EIF4G2: variants seen among roughly 807,000 people sequenced by gnomAD.
The protein encoded by EIF4G2 is eukaryotic translation initiation factor 4 gamma 2.
A neutral mutation model predicts 117.7 loss-of-function variants in EIF4G2; 8 were observed. That is an observed-to-expected ratio of 0.07 (90% CI 0.04 to 0.12). The LOEUF (loss-of-function observed/expected upper bound fraction) is 0.12. EIF4G2 is among the 10% of genes least tolerant of loss of function. The pLI is 1.00. For synonymous variants in EIF4G2, 413 were observed against 367.8 expected (o/e 1.12, Z -1.41); for missense variants, 812 against 1,086.2 (o/e 0.75, Z 3.55).
chr11:10,802,920 C>CCA, intron 11 of EIF4G2, 110 bp downstream of exon 11: 1 of 877,866 alleles, frequency 1.1e-6, no homozygotes, highest in Non-Finnish European at 1.7e-6. Flanking sequence ...TTAAGCTCCA[C>CCA]CACTAAGATG....
In EIF4G2 at chr11:10,797,711, T is replaced by C. The variant is rs1847296431; in HGVS notation, c.*105A>G. 4.1e-6 allele frequency: 5 copies of C among 1,212,776 alleles called. No individual in the cohort carries two copies. Among genetic ancestry groups the C allele is most frequent in the East Asian group, 2.3e-5 (1 of 42,780 alleles). The allele number at this position is 1,212,776 out of a possible 1,614,324, so 75.1% of individuals were successfully genotyped here. A position where few individuals can be genotyped will look rare whatever the true frequency, so the allele number is the denominator to read the frequency against. Reference sequence around the variant, plus strand: ...AACTGACGTGCTTCTGCTTTAAATATTGTGAAAACATTACAGCGGAATGAA... The same window carrying C: ...AACTGACGTGCTTCTGCTTTAAATACTGTGAAAACATTACAGCGGAATGAA... On this transcript the variant is annotated 3_prime_UTR_variant, in exon 22 of 22. Transcript: ENST00000339995. This position sits in a 1 kb window ranked among gnomAD's most constrained non-coding sequence, Gnocchi z 4.5.
chr11:10,806,114 T>G, intron 3 of EIF4G2, 67 bp from the exon 4 acceptor site: 3 of 1,596,848 alleles, frequency 1.9e-6, no homozygotes, highest in Non-Finnish European at 2.6e-6. Context: ...ATAAATTCTC[T>G]TACATAGAAA....
Position 10,799,579 on chromosome 11 carries a change from T to G in EIF4G2, c.2297A>C (p.Lys766Thr). The change falls in exon 19 of 22, where the codon AAA becomes ACA. Residue 766 changes from lysine to threonine, a missense_variant. Transcript: ENST00000339995. ...AGTCATTAAGATGTTCACAAATCCT[T>G]TATCTACATGAAGTTTGGGAGAGAT... 1 of 1,614,098 alleles carries G rather than the reference T, an allele frequency of 6.2e-7. No homozygotes were observed. The highest frequency in any genetic ancestry group is 8.5e-7 in the Non-Finnish European group (1 of 1,179,994).
chr11:10,803,377 C>T lies in EIF4G2; in HGVS notation c.814-83G>A, dbSNP rs891836456. The stretch of plus-strand genomic sequence containing the variant: ...GCTTTAAGACTTCTAAAATTATAAC[C>T]CAGTTAATGGCTAAATATGGCAATC... On this transcript the variant is annotated intron_variant, in intron 9 of 21. Transcript: ENST00000339995. This position sits in a 1 kb window ranked among gnomAD's most constrained non-coding sequence, Gnocchi z 4.0. 3 of 1,564,614 alleles carry T rather than the reference C, an allele frequency of 1.9e-6. No homozygotes were observed. The highest frequency in any genetic ancestry group is 2.6e-6 in the Non-Finnish European group (3 of 1,141,410).
In EIF4G2 at chr11:10,803,318, T is replaced by C. The variant is rs747344562; in HGVS notation, c.814-24A>G. 5.0e-6 allele frequency: 8 copies of C among 1,608,526 alleles called. No individual in the cohort carries two copies. Among genetic ancestry groups the C allele is most frequent in the East Asian group, 4.5e-5 (2 of 44,850 alleles). Reference sequence around the variant, plus strand: ...GACTGATAAGAGAAGAATACATTCATTGGAAGAGCTAAAGCAAATGTGTTC... The same window carrying C: ...GACTGATAAGAGAAGAATACATTCACTGGAAGAGCTAAAGCAAATGTGTTC... On this transcript the variant is annotated intron_variant, in intron 9 of 21. Transcript: ENST00000339995. The surrounding 1 kb of genome is among the most constrained non-coding windows in gnomAD (Gnocchi z 4.0).
chr11:10,802,249 A>G (rs1437507869), intron 12 of EIF4G2, 40 bp from the exon 13 acceptor site: 2 of 1,611,694 alleles, frequency 1.2e-6, no homozygotes, highest in Admixed American at 3.3e-5. Flanking sequence ...AACTAAAGTT[A>G]ACTGATTTTT....
Position 10,797,998 on chromosome 11 carries a change from A to T in EIF4G2, c.2659-117T>A, listed in dbSNP as rs1847306134. The stretch of plus-strand genomic sequence containing the variant: ...ATGAAACAAGGATATCCCTACCAAC[A>T]ATTTGTATATTAAGTTAACGAACAG... On this transcript the variant is annotated intron_variant, in intron 21 of 21. Coordinates refer to ENST00000339995, the MANE Select transcript of EIF4G2 (RefSeq NM_001418.4). This position sits in a 1 kb window ranked among gnomAD's most constrained non-coding sequence, Gnocchi z 4.5. The T allele has an allele frequency of 1.2e-6, 1 of 867,998 alleles. No individual in the cohort carries two copies. Among genetic ancestry groups the T allele is most frequent in the African/African-American group, 1.7e-5 (1 of 59,446 alleles). 53.8% of individuals were successfully genotyped at this position (867,998 alleles called of 1,614,324 possible). A position where few individuals can be genotyped will look rare whatever the true frequency, so the allele number is the denominator to read the frequency against.
At chr11:10,800,894 G>A (rs940113175) in intron 15 of EIF4G2, 59 bp from the exon 16 acceptor site, 3 of 1,611,922 alleles carry the variant, frequency 1.9e-6, no homozygotes, top group Non-Finnish European at 2.5e-6. Flanking sequence ...TTAGGGGGAA[G>A]AACACACTAA....
chr11:10,807,835 C>A (rs1847629365), intron 1 of EIF4G2: 1 of 990,548 alleles, frequency 1.0e-6, no homozygotes, highest in South Asian at 4.5e-5. Context: ...CCGTGGAGAG[C>A]TCGTGGAAAG....
chr11:10,804,488 C>G (rs1476474129), intron 5 of EIF4G2, 70 bp from the exon 6 acceptor site: 1 of 1,507,764 alleles, frequency 6.6e-7, no homozygotes, highest in African/African-American at 1.4e-5. Context: ...AGGAAAAATA[C>G]AACCACCTAA....
At chr11:10,808,283 G>A in intron 1 of EIF4G2, 4 of 1,216,664 alleles carry the variant, frequency 3.3e-6, no homozygotes, top group East Asian at 8.4e-5. Context: ...ACACCTCCCC[G>A]CCGGGAGGCC....
At chr11:10,799,945 C>T (rs2135405899) in intron 18 of EIF4G2, 145 bp downstream of exon 18, 2 of 1,169,830 alleles carry the variant, frequency 1.7e-6, no homozygotes, top group Non-Finnish European at 2.4e-6. Context: ...ATAAATCTCT[C>T]TTTATAGGTG....
chr11:10,800,030 A>G, intron 18 of EIF4G2, 60 bp downstream of exon 18: 3 of 1,558,138 alleles, frequency 1.9e-6, no homozygotes, highest in Non-Finnish European at 2.6e-6. Context: ...CACTCAAGGT[A>G]CCTGAAATCT....
rs1847490485 is a variant in EIF4G2, at chr11:10,803,823, T to A, written c.702+76A>T. 6.6e-7 allele frequency: 1 copy of A among 1,513,422 alleles called. No individual in the cohort carries two copies. The highest frequency in any genetic ancestry group is 1.4e-5 in the African/African-American group (1 of 71,886). 93.7% of individuals were successfully genotyped at this position (1,513,422 alleles called of 1,614,324 possible). A position where few individuals can be genotyped will look rare whatever the true frequency, so the allele number is the denominator to read the frequency against. On this transcript the variant is annotated intron_variant, in intron 8 of 21. Coordinates refer to ENST00000339995, the MANE Select transcript of EIF4G2 (RefSeq NM_001418.4). This position sits in a 1 kb window ranked among gnomAD's most constrained non-coding sequence, Gnocchi z 4.0. ...CACATCTGTATTTAACTAGTCAACC[T>A]CCCTCTTAGATGAATAATTGACTCA...
intron 14 of EIF4G2, chr11:10,801,374 C>T (rs1374809138): frequency 1.6e-6 from 1 of 613,118 alleles, no homozygotes; most frequent in Non-Finnish European, 2.9e-6. Context: ...TTAGAAAATG[C>T]CCTGTTTTAT....
intron 3 of EIF4G2, 190 bp downstream of exon 3, chr11:10,806,630 T>G: frequency 1.8e-6 from 1 of 565,328 alleles, no homozygotes; most frequent in Non-Finnish European, 3.1e-6. Flanking sequence ...AGCTTGAGAG[T>G]CTCAACTCAC....
rs1847490434 is a variant in EIF4G2, at chr11:10,803,821, C to T, written c.702+78G>A. The T allele has an allele frequency of 1.3e-6, 2 of 1,508,128 alleles. No homozygotes were observed. The highest frequency in any genetic ancestry group is 2.0e-5 in the Admixed American group (1 of 49,630). 93.4% of individuals were successfully genotyped at this position (1,508,128 alleles called of 1,614,324 possible). A position where few individuals can be genotyped will look rare whatever the true frequency, so the allele number is the denominator to read the frequency against. On this transcript the variant is annotated intron_variant, in intron 8 of 21. Transcript: ENST00000339995. This position sits in a 1 kb window ranked among gnomAD's most constrained non-coding sequence, Gnocchi z 4.0. ...TGCACATCTGTATTTAACTAGTCAA[C>T]CTCCCTCTTAGATGAATAATTGACT... is the stretch of plus-strand genomic sequence containing the variant.
intron 4 of EIF4G2, 63 bp downstream of exon 4, chr11:10,805,844 C>A: frequency 1.2e-6 from 2 of 1,610,148 alleles, no homozygotes; most frequent in East Asian, 4.5e-5. Flanking sequence ...TAATACAGCA[C>A]ACACACCAAA....
rs1460855775 is a variant in EIF4G2, at chr11:10,800,284, T to C, written c.1925A>G (p.Tyr642Cys). 3.7e-6 allele frequency: 6 copies of C among 1,614,198 alleles called. No homozygotes were observed. Among genetic ancestry groups the C allele is most frequent in the South Asian group, 1.1e-5 (1 of 91,086 alleles). The change falls in exon 18 of 22, where the codon TAT becomes TGT. Residue 642 changes from tyrosine to cysteine, a missense_variant. Coordinates refer to ENST00000339995, the MANE Select transcript of EIF4G2 (RefSeq NM_001418.4). Reference sequence around the variant, plus strand: ...GGCACGAGCTGCAAACTGTGCTAAATAGGATTTCACCAAAGGGATGTCAAC... The same window carrying C: ...GGCACGAGCTGCAAACTGTGCTAAACAGGATTTCACCAAAGGGATGTCAAC...
Sources: gnomAD v4.1 joint callset for allele counts on GRCh38, gnomAD v4.1.1 for gene constraint, Gnocchi (gnomAD v3.1) non-coding constraint, MANE v1.5 for transcripts, NCBI Gene and HGNC (gene_info 2026-07-23, HGNC 2026-07-21) for gene names.